Variants in SLC7A9 observed in about 807,000 individuals in gnomAD.
The protein encoded by SLC7A9 is B(0,+)-type amino acid transporter 1.
In SLC7A9, 38 loss-of-function variants were observed where a neutral mutation model predicts 54.1. The ratio of observed to expected loss-of-function variants is 0.70; its 90% confidence interval spans 0.54 to 0.92. The LOEUF (loss-of-function observed/expected upper bound fraction) is 0.92. Ranked by LOEUF, SLC7A9 falls within the 40% of genes least tolerant of loss-of-function variation. The pLI is 0.00. For synonymous variants in SLC7A9, 264 were observed against 258.9 expected (o/e 1.02, Z -0.19); for missense variants, 537 against 636.1 (o/e 0.84, Z 1.68).
rs115768050 is a variant in SLC7A9 at position 32,866,236 on chromosome 19, C to T, written c.88-1460G>A. Among the ~76,000 whole-genome samples the T allele has an allele frequency of 3.1e-3, 470 of 152,274 alleles. 4 individuals are homozygous for T. Among genetic ancestry groups the T allele is most frequent in the African/African-American group, 0.011 (437 of 41,564 alleles). ...TGGGATCCCTGGGGAGCAGCGTCTG[C>T]TTTCAGGGCCAGGGCGCACTTCCAG... is the stretch of plus-strand genomic sequence containing the variant. On this transcript the variant is annotated intron_variant, in intron 2 of 12. Transcript: ENST00000023064.
At chr19:32,832,542 C>T (rs537986794) in intron 12 of SLC7A9, among the ~76,000 whole-genome samples, 3 of 149,966 alleles carry the variant, frequency 2.0e-5, no homozygotes, top group African/African-American at 4.9e-5. Context: ...GAGCTGAGAC[C>T]GCACCACTGC....
chr19:32,863,643 G>A (rs995001062), intron 4 of SLC7A9, among the ~76,000 whole-genome samples: 1 of 152,138 alleles, frequency 6.6e-6, no homozygotes, highest in South Asian at 2.1e-4. Flanking sequence ...TTCCAAGCAT[G>A]AGCCACTGCC....
rs563878780 is a variant in SLC7A9 at position 32,832,428 on chromosome 19, A to G, written c.1399+721T>C. Among the ~76,000 whole-genome samples, 6 of 152,006 alleles carry G rather than the reference A, an allele frequency of 3.9e-5. No individual in the cohort carries two copies. In the South Asian group the frequency reaches 6.2e-4, roughly 16 times the overall value. On this transcript the variant is annotated intron_variant, in intron 12 of 12. Coordinates refer to ENST00000023064, the MANE Select transcript of SLC7A9 (RefSeq NM_014270.5). ...ATGGTAAAACCTCATCTGTACTAAA[A>G]ATACAAAAATTAGCTGGGCGTGGTG...
intron 9 of SLC7A9, among the ~76,000 whole-genome samples, chr19:32,852,905 CTTTTT>C (rs56119122): frequency 3.1e-5 from 3 of 97,592 alleles, no homozygotes; most frequent in Non-Finnish European, 5.7e-5. Flanking sequence ...AAGCTATAAA[CTTTTT>C]TTTTTTTTTT....
At chr19:32,846,516 C>T (rs1028251762) in intron 9 of SLC7A9, among the ~76,000 whole-genome samples, 30 of 152,276 alleles carry the variant, frequency 2.0e-4, no homozygotes, top group Admixed American at 1.4e-3. Context: ...ACAAAGCAGC[C>T]AGGAAGCTCG....
At chr19:32,859,757 G>A (rs1968737542) in intron 8 of SLC7A9, 84 bp downstream of exon 8, 1 of 1,143,310 alleles carries the variant, frequency 8.7e-7, no homozygotes, top group South Asian at 1.2e-5. Context: ...TTCCCTGGGA[G>A]GGAGCTCACC....
chr19:32,839,071 G>T lies in SLC7A9; in HGVS notation c.1224+3097C>A, dbSNP rs112775490. ...CAGCTTGTCTGGCATACTTTCCTCA[G>T]TTGGCATATACTTTTCCATGTGCTT... On this transcript the variant is annotated intron_variant, in intron 11 of 12. Transcript: ENST00000023064. Among the ~76,000 whole-genome samples the T allele has an allele frequency of 2.2e-4, 33 of 152,146 alleles. 1 individual carries two copies. The highest frequency in any genetic ancestry group is 8.0e-4 in the African/African-American group (33 of 41,504).
At chr19:32,840,986 C>G (rs1307892531) in intron 11 of SLC7A9, among the ~76,000 whole-genome samples, 1 of 152,138 alleles carries the variant, frequency 6.6e-6, no homozygotes, top group African/African-American at 2.4e-5. Flanking sequence ...GGATTTTGTG[C>G]AGATTACAAG....
At chr19:32,842,125 A>G in intron 11 of SLC7A9, 43 bp downstream of exon 11, 1 of 1,605,610 alleles carries the variant, frequency 6.2e-7, no homozygotes, top group Non-Finnish European at 8.5e-7. Flanking sequence ...CTAATTCATT[A>G]AAAAATCCAA....
intron 11 of SLC7A9, among the ~76,000 whole-genome samples, chr19:32,835,773 G>C (rs4805813): frequency 0.15 from 22,460 of 151,768 alleles, 1,740 homozygotes; most frequent in East Asian, 0.28. Flanking sequence ...TATTTAATTT[G>C]TTTTCATTTT....
At chr19:32,852,056 G>T (rs1336317353) in intron 9 of SLC7A9, among the ~76,000 whole-genome samples, 3 of 152,012 alleles carry the variant, frequency 2.0e-5, no homozygotes, top group Non-Finnish European at 4.4e-5. Flanking sequence ...AGCATTAGGA[G>T]ATATACCTAA....
At position 32,860,620 on chromosome 19, in the gene SLC7A9, A is replaced by G. The variant is rs1968771882; in HGVS notation, c.735T>C (p.Leu245=). Reference sequence around the variant, plus strand: ...TCAGCTGTTACCTGTAAGGGTTTCTAAGTTCTTCTGTGATGTAATTGAGTT... The same window carrying G: ...TCAGCTGTTACCTGTAAGGGTTTCTGAGTTCTTCTGTGATGTAATTGAGTT... ...WNQLNYITEE[L]RNPYRNLPLA... is the part of the protein sequence containing the mutation. Residue 245 remains leucine (L), a synonymous_variant, in exon 7 of 13, where the codon CTT becomes CTC. Transcript: ENST00000023064. 1 of 1,614,048 alleles carries G rather than the reference A, an allele frequency of 6.2e-7. No individual in the cohort carries two copies.
At chr19:32,848,826 C>G (rs1294542089) in intron 9 of SLC7A9, among the ~76,000 whole-genome samples, 1 of 152,156 alleles carries the variant, frequency 6.6e-6, no homozygotes, top group African/African-American at 2.4e-5. Context: ...GAAATTATAA[C>G]AAACTGTCTC....
chr19:32,866,434 G>A lies in SLC7A9; in HGVS notation c.88-1658C>T, dbSNP rs536582523. Among the ~76,000 whole-genome samples the A allele has an allele frequency of 3.3e-5, 5 of 152,208 alleles. No individual in the cohort carries two copies. In the South Asian group the frequency reaches 1.0e-3, roughly 32 times the overall value. ...AGGAGTAGACCCAGCTCAGATTTTT[G>A]GTTTTTAGAGTCAGGGTCTCGCTCT... On this transcript the variant is annotated intron_variant, in intron 2 of 12. Transcript: ENST00000023064.
rs1361131127 is a variant in SLC7A9, at chr19:32,852,026, TG to T, written c.977+6413del. On this transcript the variant is annotated intron_variant, in intron 9 of 12. Coordinates refer to ENST00000023064, the MANE Select transcript of SLC7A9 (RefSeq NM_014270.5). ...TCACACTCCGGGGACTGTTGTGGGGTGGGGGGAGCGGGGAGGGATAGCATTA... is the reference window on the plus strand; with the variant it reads ...TCACACTCCGGGGACTGTTGTGGGGTGGGGGAGCGGGGAGGGATAGCATTA... Among the ~76,000 whole-genome samples, 8 of 139,666 alleles carry T rather than the reference TG, an allele frequency of 5.7e-5. No individual in the cohort carries two copies. In the South Asian group the frequency reaches 1.8e-3, roughly 32 times the overall value. The allele number at this position is 139,666 out of a possible 152,430, so 91.6% of individuals were successfully genotyped here. A position where few individuals can be genotyped will look rare whatever the true frequency, so the allele number is the denominator to read the frequency against.
At chr19:32,839,853 A>T (rs1335495823) in intron 11 of SLC7A9, among the ~76,000 whole-genome samples, 2 of 152,166 alleles carry the variant, frequency 1.3e-5, no homozygotes, top group Non-Finnish European at 2.9e-5. Context: ...TAATTTTATC[A>T]GCATATATTT....
rs1362703692 is a variant in SLC7A9 at position 32,834,897 on chromosome 19, TCTC to T, written c.1225-1577_1225-1575del. Among the ~76,000 whole-genome samples the T allele has an allele frequency of 2.6e-5, 4 of 152,158 alleles. No homozygotes were observed. The East Asian group carries it at 7.8e-4, about 30-fold the overall frequency. ...CCTCTGCCTCTTGGGTTCAAACAGT[TCTC>T]CTGCCTCAGCCTCCCAAGTAGCTGG... On this transcript the variant is annotated intron_variant, in intron 11 of 12. Coordinates refer to ENST00000023064, the MANE Select transcript of SLC7A9 (RefSeq NM_014270.5).
intron 7 of SLC7A9, 98 bp downstream of exon 7, chr19:32,860,508 G>A (rs1004457497): frequency 6.3e-7 from 1 of 1,597,480 alleles, no homozygotes; most frequent in African/African-American, 1.3e-5. Flanking sequence ...TGTCGGGAAG[G>A]GCATCATGGA....
chr19:32,834,121 T>C (rs1428017794), intron 11 of SLC7A9, among the ~76,000 whole-genome samples: 5 of 152,148 alleles, frequency 3.3e-5, no homozygotes, highest in Admixed American at 1.3e-4. Context: ...TTGTTCACGT[T>C]GTTCAGAAGG....
Sources: gnomAD v4.1 joint callset for allele counts (sites outside exome capture counted in the v4.1 genomes callset) on GRCh38, gnomAD v4.1.1 for gene constraint, MANE v1.5 for transcripts, NCBI Gene and HGNC (gene_info 2026-07-23, HGNC 2026-07-21) for gene names.